Variants in SERPINB2 observed in about 807,000 individuals in gnomAD.
The protein encoded by SERPINB2 is plasminogen activator inhibitor 2.
A neutral mutation model predicts 39.4 loss-of-function variants in SERPINB2; 28 were observed. The ratio of observed to expected loss-of-function variants is 0.71; its 90% CI spans 0.53 to 0.97. The LOEUF is 0.97. SERPINB2 is among the 50% of genes least tolerant of loss of function. The pLI is 0.00. For missense variants in SERPINB2, 557 were observed against 505.3 expected (o/e 1.10, Z -0.98); for synonymous variants, 209 against 175.1 (o/e 1.19, Z -1.53).
chr18:63,891,508 G>A lies in SERPINB2; in HGVS notation c.64G>A (p.Ala22Thr), dbSNP rs752568655. The change falls in exon 2 of 8, where the codon GCA becomes ACA. Residue 22 changes from alanine to threonine, a missense_variant. By Grantham distance (58) the Ala-to-Thr change is moderately conservative. Transcript: ENST00000299502. The stretch of plus-strand genomic sequence containing the variant: ...CAATTTATTCAAGCATCTGGCAAAA[G>A]CAAGCCCCACCCAGAACCTCTTCCT... The part of the protein sequence containing the change: ...ALNLFKHLAK[A>T]SPTQNLFLSP... The A allele has an allele frequency of 6.2e-7, 1 of 1,614,138 alleles. No homozygotes were observed. Among genetic ancestry groups the A allele is most frequent in the Non-Finnish European group, 8.5e-7 (1 of 1,180,008 alleles).
At chr18:63,891,807 T>C (rs867189392) in intron 2 of SERPINB2, among the ~76,000 whole-genome samples, 195 bp downstream of exon 2, 2 of 152,250 alleles carry the variant, frequency 1.3e-5, no homozygotes, top group Non-Finnish European at 2.9e-5. Flanking sequence ...ATCCCTCAAC[T>C]GTAGCTGTTG....
At chr18:63,896,814 T>G (rs533269287) in intron 3 of SERPINB2, among the ~76,000 whole-genome samples, 1 of 152,230 alleles carries the variant, frequency 6.6e-6, no homozygotes, top group East Asian at 1.9e-4. Flanking sequence ...TTTAGGAAAC[T>G]GAGAAGGGGC....
chr18:63,903,102 C>A lies in SERPINB2; in HGVS notation c.1045C>A (p.Leu349Met), dbSNP rs752809383. ...NFSGMSERNDLFLSEVFHQAM... is the reference protein window; with the variant it reads ...NFSGMSERNDMFLSEVFHQAM... Reference sequence around the variant, plus strand: ...CTCAGGGATGTCGGAGAGGAATGACCTGTTTCTTTCTGAAGTGTTCCACCA... The same window carrying A: ...CTCAGGGATGTCGGAGAGGAATGACATGTTTCTTTCTGAAGTGTTCCACCA... The change falls in exon 8 of 8, where the codon CTG (leucine) becomes ATG (methionine). Residue 349 changes from leucine to methionine, a missense_variant. By Grantham distance (15) the Leu-to-Met change is conservative. Coordinates refer to ENST00000299502, the MANE Select transcript of SERPINB2 (RefSeq NM_002575.3). The A allele has an allele frequency of 2.5e-6, 4 of 1,613,680 alleles. No homozygotes were observed. The Admixed American group carries it at 5.0e-5, about 20-fold the overall frequency.
At chr18:63,897,898 T>C (rs879691869) in intron 5 of SERPINB2, 54 bp downstream of exon 5, 138 of 1,234,940 alleles carry the variant, frequency 1.1e-4, no homozygotes, top group Non-Finnish European at 1.4e-4. Flanking sequence ...AACTCTGATC[T>C]ATCTTTTTCC....
rs1452424016 is a variant in SERPINB2, at chr18:63,897,812, A to C, written c.503A>C (p.Lys168Thr). The part of the protein sequence containing the change: ...FLECAEEARK[K>T]INSWVKTQTK... ...GAATGTGCAGAAGAAGCTAGAAAAA[A>C]GATTAATTCCTGGGTCAAGACTCAA... The change falls in exon 5 of 8, where the codon AAG becomes ACG. Residue 168 changes from lysine to threonine, a missense_variant. Coordinates refer to ENST00000299502, the MANE Select transcript of SERPINB2 (RefSeq NM_002575.3). 3 of 1,611,912 alleles carry C rather than the reference A, an allele frequency of 1.9e-6. No individual in the cohort carries two copies. The highest frequency in any genetic ancestry group is 2.7e-5 in the African/African-American group (2 of 74,808).
In SERPINB2 at chr18:63,903,337, T is replaced by C; in HGVS notation, c.*32T>C. 2.0e-6 allele frequency: 3 copies of C among 1,479,610 alleles called. No homozygotes were observed. The highest frequency in any genetic ancestry group is 1.8e-6 in the Non-Finnish European group (2 of 1,115,860). 91.7% of individuals were successfully genotyped at this position (1,479,610 alleles called of 1,614,324 possible). On this transcript the variant is annotated 3_prime_UTR_variant, in exon 8 of 8. Coordinates refer to ENST00000299502, the MANE Select transcript of SERPINB2 (RefSeq NM_002575.3). ...GCGTGCTGCTTCTGCAAAAGATTTT[T>C]GTAGATGAGCTGTGTGCCTCAGAAT...
intron 3 of SERPINB2, 132 bp downstream of exon 3, chr18:63,895,515 G>T (rs1172685716): frequency 1.8e-6 from 2 of 1,136,616 alleles, no homozygotes; most frequent in Non-Finnish European, 2.6e-6. Context: ...CTAAGACTCA[G>T]AGTCATTAAG....
At chr18:63,900,056 T>C (rs1409249767) in intron 5 of SERPINB2, among the ~76,000 whole-genome samples, 1 of 152,170 alleles carries the variant, frequency 6.6e-6, no homozygotes, top group Non-Finnish European at 1.5e-5. Flanking sequence ...ACATGGAAGT[T>C]TTGCCTTCTT....
chr18:63,889,510 G>A (rs1209635065), intron 1 of SERPINB2, among the ~76,000 whole-genome samples: 9 of 152,080 alleles, frequency 5.9e-5, no homozygotes, highest in Admixed American at 1.3e-4. Context: ...TTAGGTATGG[G>A]AGAAGTCTAA....
Position 63,902,975 on chromosome 18 carries a change from G to A in SERPINB2, c.918G>A (p.Glu306=). The A allele has an allele frequency of 6.2e-7, 1 of 1,613,686 alleles. No individual in the cohort carries two copies. Among genetic ancestry groups the A allele is most frequent in the Non-Finnish European group, 8.5e-7 (1 of 1,179,762 alleles). ...ACAAAATGGCTGAAGATGAAGTTGAGGTATACATACCCCAGTTCAAATTAG... is the reference window on the plus strand; with the variant it reads ...ACAAAATGGCTGAAGATGAAGTTGAAGTATACATACCCCAGTTCAAATTAG... ...SKDKMAEDEV[E]VYIPQFKLEE... is the part of the protein sequence containing the mutation. The change falls in exon 8 of 8, where the codon GAG becomes GAA. Residue 306 remains glutamate (E), a synonymous_variant. Coordinates refer to ENST00000299502, the MANE Select transcript of SERPINB2 (RefSeq NM_002575.3).
chr18:63,902,362 T>G (rs373539629), intron 6 of SERPINB2, 42 bp from the exon 7 acceptor site: 1 of 1,484,670 alleles, frequency 6.7e-7, no homozygotes, highest in Non-Finnish European at 9.0e-7. Flanking sequence ...TCTCTTGATA[T>G]CTTATAATCG....
At chr18:63,889,891 C>A (rs2049914904) in intron 1 of SERPINB2, 2 of 152,150 alleles carry the variant, frequency 1.3e-5, no homozygotes, top group African/African-American at 4.8e-5. Flanking sequence ...TGAAGCTATG[C>A]ACCACCGAGT....
At chr18:63,892,721 T>C (rs1175115649) in intron 2 of SERPINB2, 2 of 152,190 alleles carry the variant, frequency 1.3e-5, no homozygotes, top group Admixed American at 1.3e-4. Context: ...CCAATATTGC[T>C]GCAGGAAGAC....
rs2050008018 is a variant in SERPINB2, at chr18:63,903,462, A to T, written c.*157A>T. The T allele has an allele frequency of 3.3e-6, 2 of 611,014 alleles. No homozygotes were observed. The highest frequency in any genetic ancestry group is 5.0e-6 in the Non-Finnish European group (2 of 398,392). 37.8% of individuals were successfully genotyped at this position (611,014 alleles called of 1,614,324 possible). A position where few individuals can be genotyped will look rare whatever the true frequency, so the allele number is the denominator to read the frequency against. ...ACTAAATAAAAACACAGAAATAATT[A>T]GACAATTGTCTATTATAACATGACA... On this transcript the variant is annotated 3_prime_UTR_variant, in exon 8 of 8. Transcript: ENST00000299502.
chr18:63,889,596 A>G (rs1462856215), intron 1 of SERPINB2, among the ~76,000 whole-genome samples: 1 of 152,138 alleles, frequency 6.6e-6, no homozygotes, highest in East Asian at 1.9e-4. Context: ...TGTGTTATTA[A>G]TACTCAGTTT....
chr18:63,892,811 C>T (rs1449909972), intron 2 of SERPINB2: 1 of 152,218 alleles, frequency 6.6e-6, no homozygotes, highest in African/African-American at 2.4e-5. Context: ...GCTCAACTCC[C>T]TGACACAAGT....
chr18:63,894,470 A>G (rs1321404121), intron 2 of SERPINB2, among the ~76,000 whole-genome samples: 1 of 152,118 alleles, frequency 6.6e-6, no homozygotes, highest in Admixed American at 6.5e-5. Flanking sequence ...GCTTCTCCTC[A>G]GGGACCCCAT....
In SERPINB2 at chr18:63,903,320, C is replaced by A; in HGVS notation, c.*15C>A. 1 of 1,473,936 alleles carries A rather than the reference C, an allele frequency of 6.8e-7. No homozygotes were observed. The highest frequency in any genetic ancestry group is 9.0e-7 in the Non-Finnish European group (1 of 1,112,634). 91.3% of individuals were successfully genotyped at this position (1,473,936 alleles called of 1,614,324 possible). On this transcript the variant is annotated 3_prime_UTR_variant, in exon 8 of 8. Transcript: ENST00000299502. ...CCTCACCCTAAAACTAAGCGTGCTG[C>A]TTCTGCAAAAGATTTTTGTAGATGA... is the stretch of plus-strand genomic sequence containing the variant.
intron 2 of SERPINB2, among the ~76,000 whole-genome samples, chr18:63,892,377 A>G (rs2049932332): frequency 6.6e-6 from 1 of 152,212 alleles, no homozygotes; most frequent in Non-Finnish European, 1.5e-5. Context: ...CCTTGAAATT[A>G]TGCCGGACTA....
Sources: gnomAD v4.1 joint callset for allele counts (sites outside exome capture counted in the v4.1 genomes callset) on GRCh38, gnomAD v4.1.1 for gene constraint, MANE v1.5 for transcripts, NCBI Gene and HGNC (gene_info 2026-07-23, HGNC 2026-07-21) for gene names.